The following WDR64 variants were observed in gnomAD, a reference collection of about 807,000 sequenced individuals.
The protein encoded by WDR64 is WD repeat domain 64.
A neutral mutation model predicts 139.3 loss-of-function variants in WDR64; 112 were observed. The observed-to-expected ratio is 0.80, with a 90% CI of 0.69 to 0.94. The LOEUF (loss-of-function observed/expected upper bound fraction) is 0.94. WDR64 is among the 40% of genes least tolerant of loss of function. WDR64 has a pLI of 0.00. For synonymous variants in WDR64, 444 were observed against 437.7 expected (o/e 1.01, Z -0.18); for missense variants, 1,206 against 1,293.1 (o/e 0.93, Z 1.03).
intron 24 of WDR64, among the ~76,000 whole-genome samples, chr1:241,789,584 G>A (rs1054354135): frequency 6.6e-6 from 1 of 152,186 alleles, no homozygotes; most frequent in Non-Finnish European, 1.5e-5. Flanking sequence ...GCAGGAACAT[G>A]AATGGAGCTG....
At chr1:241,744,545 C>T in intron 13 of WDR64, 29 bp downstream of exon 13, 3 of 1,610,966 alleles carry the variant, frequency 1.9e-6, no homozygotes, top group South Asian at 1.1e-5. Flanking sequence ...ATGTGGCGTC[C>T]CTGCTTTAGT....
At chr1:241,705,372 T>C (rs1667898664) in intron 8 of WDR64, among the ~76,000 whole-genome samples, 1 of 151,552 alleles carries the variant, frequency 6.6e-6, no homozygotes, top group Admixed American at 6.6e-5. Flanking sequence ...AAACCCCGTC[T>C]CTACTGAAAA....
intron 13 of WDR64, among the ~76,000 whole-genome samples, chr1:241,745,474 G>A (rs1669723506): frequency 6.9e-6 from 1 of 144,292 alleles, no homozygotes; most frequent in African/African-American, 2.9e-5. Context: ...TCAGGCAGAA[G>A]CATTAAGCAA....
intron 9 of WDR64, among the ~76,000 whole-genome samples, chr1:241,721,519 C>T (rs1278333945): frequency 6.6e-6 from 1 of 151,940 alleles, no homozygotes; most frequent in African/African-American, 2.4e-5. Context: ...TAACTCAATT[C>T]CATTTTCTCA....
Position 241,786,921 on chromosome 1 carries a change from CCT to C in WDR64, c.2706-927_2706-926del, listed in dbSNP as rs1460860919. ...CATGGATGGAGCTAGAGGCCATTAC[CCT>C]TAGCAACCAAATGCAGTTTTATTAT... On this transcript the variant is annotated intron_variant, in intron 23 of 27. Coordinates refer to ENST00000437684, the MANE Select transcript of WDR64 (RefSeq NM_001367482.1). Among the ~76,000 whole-genome samples the C allele has an allele frequency of 2.0e-5, 3 of 152,248 alleles. No individual in the cohort carries two copies. In the East Asian group the frequency reaches 5.8e-4, roughly 29 times the overall value.
intron 4 of WDR64, among the ~76,000 whole-genome samples, chr1:241,677,800 C>A (rs1666611153): frequency 6.6e-6 from 1 of 152,196 alleles, no homozygotes; most frequent in African/African-American, 2.4e-5. Flanking sequence ...AAATATTGAT[C>A]TATTTAGCAT....
chr1:241,690,603 G>T (rs1046252715), intron 8 of WDR64, among the ~76,000 whole-genome samples: 6 of 152,146 alleles, frequency 3.9e-5, no homozygotes, highest in African/African-American at 1.2e-4. Context: ...TATTTAAAGT[G>T]TTAGAAGACC....
At position 241,699,552 on chromosome 1, in the gene WDR64, G is replaced by C. The variant is rs80282203; in HGVS notation, c.974+11957G>C. ...TGTAAGAGAGGGGTATGACAGGAGTGCTTAGAACATCTTAGGATAGGATTG... is the reference window on the plus strand; with the variant it reads ...TGTAAGAGAGGGGTATGACAGGAGTCCTTAGAACATCTTAGGATAGGATTG... On this transcript the variant is annotated intron_variant, in intron 8 of 27. Coordinates refer to ENST00000437684, the MANE Select transcript of WDR64 (RefSeq NM_001367482.1). Among the ~76,000 whole-genome samples the C allele has an allele frequency of 6.5e-3, 989 of 152,216 alleles. 10 individuals carry two copies. Among genetic ancestry groups the C allele is most frequent in the African/African-American group, 0.023 (943 of 41,524 alleles).
At chr1:241,676,253 T>G (rs1666550496) in intron 4 of WDR64, 1 of 152,196 alleles carries the variant, frequency 6.6e-6, no homozygotes, top group Non-Finnish European at 1.5e-5. Context: ...GCTGTGCGTG[T>G]TATTTAATAT....
At chr1:241,714,783 C>T (rs1026425705) in intron 9 of WDR64, among the ~76,000 whole-genome samples, 2 of 152,172 alleles carry the variant, frequency 1.3e-5, no homozygotes, top group African/African-American at 4.8e-5. Context: ...GTTTAGCCAT[C>T]GCCTGGCCAA....
intron 10 of WDR64, among the ~76,000 whole-genome samples, chr1:241,736,351 A>G (rs1447635090): frequency 6.6e-6 from 1 of 151,728 alleles, no homozygotes; most frequent in African/African-American, 2.4e-5. Flanking sequence ...GAAATAGTTC[A>G]TCAAAGCAAA....
chr1:241,681,165 G>T (rs1479783266), intron 6 of WDR64, among the ~76,000 whole-genome samples: 1 of 151,816 alleles, frequency 6.6e-6, no homozygotes, highest in Non-Finnish European at 1.5e-5. Context: ...GGTGGTATTT[G>T]GTTACATGAG....
chr1:241,716,251 A>G (rs1364842280), intron 9 of WDR64, among the ~76,000 whole-genome samples: 3 of 149,824 alleles, frequency 2.0e-5, no homozygotes, highest in African/African-American at 7.4e-5. Flanking sequence ...GTGCAGGGAC[A>G]TTTGATGAGC....
Position 241,723,496 on chromosome 1 carries a change from G to C in WDR64, c.1194+60G>C, listed in dbSNP as rs372319786. The C allele has an allele frequency of 1.5e-4, 224 of 1,543,022 alleles. No homozygotes were observed. The African/African-American group carries it at 1.9e-3, about 13-fold the overall frequency. ...TTTTCCGGAAAATTATCTGTTGGAA[G>C]GCATAGGGATGATACAATTTTTGAC... On this transcript the variant is annotated intron_variant, in intron 10 of 27. Transcript: ENST00000437684.
At chr1:241,696,356 A>C (rs10926537) in intron 8 of WDR64, among the ~76,000 whole-genome samples, 2,691 of 151,974 alleles carry the variant, frequency 0.018, 90 homozygotes, top group African/African-American at 0.061. Context: ...CCTGACCCCC[A>C]AAAAAGGTTC....
intron 15 of WDR64, among the ~76,000 whole-genome samples, chr1:241,762,010 C>T (rs1198085129): frequency 1.3e-5 from 2 of 152,138 alleles, no homozygotes; most frequent in Admixed American, 6.5e-5. Context: ...CTATTTTGAC[C>T]TCCTCCCATG....
intron 8 of WDR64, among the ~76,000 whole-genome samples, chr1:241,689,400 ATAC>A (rs1348703232): frequency 6.6e-6 from 1 of 152,244 alleles, no homozygotes; most frequent in African/African-American, 2.4e-5. Flanking sequence ...GCAGAAAGAT[ATAC>A]TATGCTAAAA....
intron 8 of WDR64, among the ~76,000 whole-genome samples, chr1:241,697,596 A>AT (rs1270494089): frequency 6.6e-6 from 1 of 152,018 alleles, no homozygotes; most frequent in African/African-American, 2.4e-5. Context: ...TAAAACTCTT[A>AT]TTTTCAAACT....
chr1:241,690,978 G>A (rs142530297), intron 8 of WDR64, among the ~76,000 whole-genome samples: 20 of 152,028 alleles, frequency 1.3e-4, no homozygotes, highest in African/African-American at 4.6e-4. Context: ...TTTGCTATGT[G>A]TAAGCAAAAT....
Sources: gnomAD v4.1 joint callset for allele counts (sites outside exome capture counted in the v4.1 genomes callset) on GRCh38, gnomAD v4.1.1 for gene constraint, MANE v1.5 for transcripts, NCBI Gene and HGNC (gene_info 2026-07-23, HGNC 2026-07-21) for gene names.